Variants in BLTP2 observed in about 807,000 individuals in gnomAD.
BLTP2 encodes the protein bridge-like lipid transfer protein family member 2.
At chr17:28,619,544 C>A in the BLTP2 span, 2 of 1,313,442 alleles carry the variant, frequency 1.5e-6, no homozygotes, top group Non-Finnish European at 1.1e-6. Flanking sequence ...ACTCCTACAT[C>A]AGCCTTTGAT....
At chr17:28,617,410 C>T in the BLTP2 span, 1 of 831,414 alleles carries the variant, frequency 1.2e-6, no homozygotes, top group Non-Finnish European at 2.0e-6. Flanking sequence ...TTTTCAGGCT[C>T]TACATATGCC....
chr17:28,644,377 C>A, the BLTP2 span, among the ~76,000 whole-genome samples: 1 of 152,226 alleles, frequency 6.6e-6, no homozygotes, highest in Non-Finnish European at 1.5e-5. Context: ...TCCCGACTGA[C>A]CCCTCCACCC....
the BLTP2 span, chr17:28,628,169 T>C: frequency 6.2e-5 from 66 of 1,056,118 alleles, 1 homozygote; most frequent in South Asian, 5.7e-4. Flanking sequence ...TTTACCTAGA[T>C]AGAAGCACCA....
At chr17:28,614,874 AGT>A in the BLTP2 span, 2 of 571,848 alleles carry the variant, frequency 3.5e-6, no homozygotes, top group Non-Finnish European at 6.1e-6. Context: ...GAGCCTGATC[AGT>A]GTGAGACAGA....
chr17:28,641,788 G>A, the BLTP2 span: 2 of 1,046,120 alleles, frequency 1.9e-6, no homozygotes, highest in South Asian at 1.5e-5. Context: ...ATGGTGACTA[G>A]TGAATCACAT....
the BLTP2 span, chr17:28,643,681 C>T: frequency 1.2e-6 from 2 of 1,612,492 alleles, no homozygotes; most frequent in African/African-American, 1.3e-5. Context: ...AGGGAGAAAG[C>T]TCTGTGTGCT....
the BLTP2 span, chr17:28,639,762 G>A: frequency 7.1e-7 from 1 of 1,407,424 alleles, no homozygotes; most frequent in South Asian, 1.2e-5. Context: ...GTGAGCTGGG[G>A]CTATTTTCTC....
chr17:28,624,136 G>A, the BLTP2 span: 13 of 1,454,904 alleles, frequency 8.9e-6, no homozygotes, highest in South Asian at 3.9e-5. Context: ...AAATTTTTTG[G>A]AGCTCTATTC....
chr17:28,637,990 G>A, the BLTP2 span: 2 of 1,614,076 alleles, frequency 1.2e-6, no homozygotes, highest in East Asian at 2.2e-5. Context: ...ACAGACATTG[G>A]GCACAGGTAT....
At chr17:28,642,377 C>T in the BLTP2 span, 20 of 1,581,260 alleles carry the variant, frequency 1.3e-5, no homozygotes, top group Admixed American at 1.0e-4. Context: ...CCTTGCCGGG[C>T]GCGGTGGCTC....
the BLTP2 span, chr17:28,618,793 T>G: frequency 1.2e-6 from 2 of 1,612,434 alleles, no homozygotes; most frequent in Admixed American, 3.3e-5. Context: ...CCAGATACCT[T>G]GCTGTAGAGG....
At chr17:28,616,457 T>G in the BLTP2 span, 1 of 1,613,996 alleles carries the variant, frequency 6.2e-7, no homozygotes, top group African/African-American at 1.3e-5. This position sits in a 1 kb window ranked among gnomAD's most constrained non-coding sequence, Gnocchi z 4.8. Context: ...CAGGGCCCAG[T>G]GGTACTGCAT....
chr17:28,616,345 C>G, the BLTP2 span: 2 of 1,613,874 alleles, frequency 1.2e-6, no homozygotes, highest in African/African-American at 1.3e-5. This position sits in a 1 kb window ranked among gnomAD's most constrained non-coding sequence, Gnocchi z 4.8. Context: ...TCAAGACTCT[C>G]CCATTTTTCT....
At chr17:28,620,402 C>CA in the BLTP2 span, 1 of 1,302,524 alleles carries the variant, frequency 7.7e-7, no homozygotes, top group Non-Finnish European at 1.1e-6. Flanking sequence ...AACCACAAGG[C>CA]CCTTTTTCAG....
the BLTP2 span, among the ~76,000 whole-genome samples, chr17:28,619,182 G>T: frequency 1.3e-5 from 2 of 152,052 alleles, no homozygotes; most frequent in African/African-American, 4.8e-5. Context: ...ATAGCTTCTT[G>T]ATAAAGTAGT....
chr17:28,633,770 G>C, the BLTP2 span: 4 of 1,609,264 alleles, frequency 2.5e-6, no homozygotes. Flanking sequence ...GAGGAACAAA[G>C]GCTATAACTT....
the BLTP2 span, chr17:28,620,838 G>T: frequency 1.1e-6 from 1 of 925,044 alleles, no homozygotes; most frequent in Non-Finnish European, 1.7e-6. Context: ...TTTTCTCATA[G>T]CAGAACTTAC....
At chr17:28,615,806 A>C in the BLTP2 span, 4 of 1,612,658 alleles carry the variant, frequency 2.5e-6, no homozygotes, top group African/African-American at 5.3e-5. Context: ...ACCCTGTAAG[A>C]GGAGGGGGAG....
At chr17:28,620,370 C>T in the BLTP2 span, 2 of 980,552 alleles carry the variant, frequency 2.0e-6, no homozygotes, top group East Asian at 4.9e-5. Context: ...TCAATTGTCA[C>T]TGCCGACTAA....
Sources: gnomAD v4.1 joint callset for allele counts (sites outside exome capture counted in the v4.1 genomes callset) on GRCh38, gnomAD v4.1.1 for gene constraint, Gnocchi (gnomAD v3.1) non-coding constraint, MANE v1.5 for transcripts, NCBI Gene and HGNC (gene_info 2026-07-23, HGNC 2026-07-21) for gene names.